Variants in QTGAL observed in about 807,000 individuals in gnomAD.
The protein encoded by QTGAL is BGnT-like protein 1.
At chr17:83,039,447 C>T in the QTGAL span, among the ~76,000 whole-genome samples, 1 of 117,044 alleles carries the variant, frequency 8.5e-6, no homozygotes, top group East Asian at 2.5e-4. Context: ...GCCCGCCGCC[C>T]GCCCCTCTTC....
the QTGAL span, among the ~76,000 whole-genome samples, chr17:82,970,571 CCCGGCGTGGCCGCG>C: frequency 1.2e-4 from 17 of 141,612 alleles, 3 homozygotes; most frequent in South Asian, 4.3e-4. Context: ...GACCTCCGCA[CCCGGCGTGGCCGCG>C]ACCTCCGCAC....
the QTGAL span, among the ~76,000 whole-genome samples, chr17:83,007,717 T>C: frequency 6.6e-6 from 1 of 152,174 alleles, no homozygotes; most frequent in African/African-American, 2.4e-5. Context: ...CCCAGCTTCA[T>C]GCTTCCCTGG....
chr17:83,042,606 C>T, the QTGAL span, among the ~76,000 whole-genome samples: 1 of 151,960 alleles, frequency 6.6e-6, no homozygotes, highest in Non-Finnish European at 1.5e-5. Flanking sequence ...AGCAATTAAA[C>T]AGAAAAGAAG....
chr17:82,947,801 C>G, the QTGAL span: 1 of 152,534 alleles, frequency 6.6e-6, no homozygotes, highest in African/African-American at 2.4e-5. Flanking sequence ...TCAAATGATG[C>G]TGTCACTCAA....
At chr17:82,995,635 G>T in the QTGAL span, among the ~76,000 whole-genome samples, 1 of 151,982 alleles carries the variant, frequency 6.6e-6, no homozygotes, top group Admixed American at 6.6e-5. Context: ...CACCCACCTC[G>T]CCCTCCCAAA....
At chr17:83,017,871 C>T in the QTGAL span, among the ~76,000 whole-genome samples, 5 of 150,746 alleles carry the variant, frequency 3.3e-5, no homozygotes, top group Admixed American at 6.6e-5. Flanking sequence ...GGGTACCACA[C>T]GTGCTCCACA....
the QTGAL span, among the ~76,000 whole-genome samples, chr17:82,960,001 C>T: frequency 0.014 from 2,065 of 152,304 alleles, 46 homozygotes; most frequent in African/African-American, 0.048. Context: ...AAGGTGGAAA[C>T]CCAGTTTTTC....
chr17:83,029,077 G>T, the QTGAL span, among the ~76,000 whole-genome samples: 1 of 152,242 alleles, frequency 6.6e-6, no homozygotes, highest in East Asian at 1.9e-4. Context: ...GGGGACCGGA[G>T]CCGGGAGCAT....
At chr17:82,945,604 T>C in the QTGAL span, 1 of 152,216 alleles carries the variant, frequency 6.6e-6, no homozygotes, top group Non-Finnish European at 1.5e-5. Context: ...TAGATAAAAA[T>C]ATGCCATTCT....
the QTGAL span, chr17:83,005,779 C>A: frequency 1.0e-6 from 1 of 961,934 alleles, no homozygotes; most frequent in Non-Finnish European, 1.5e-6. This position sits in a 1 kb window ranked among gnomAD's most constrained non-coding sequence, Gnocchi z 5.6. Context: ...CTGTCAGTAG[C>A]CTTGACCCCC....
the QTGAL span, chr17:82,942,240 C>T: frequency 6.5e-6 from 4 of 619,840 alleles, no homozygotes; most frequent in East Asian, 8.4e-5. Context: ...TCCCGCTCCC[C>T]AGATGGGGTG....
At chr17:83,010,396 C>A in the QTGAL span, among the ~76,000 whole-genome samples, 1 of 152,238 alleles carries the variant, frequency 6.6e-6, no homozygotes, top group Non-Finnish European at 1.5e-5. Flanking sequence ...GAGCGAAGAG[C>A]ACGGTCAGAG....
chr17:82,969,198 C>T, the QTGAL span, among the ~76,000 whole-genome samples: 4 of 151,930 alleles, frequency 2.6e-5, no homozygotes, highest in East Asian at 1.9e-4. Flanking sequence ...CTCGCTCTGT[C>T]GCCCAGGCTG....
chr17:83,048,125 C>T, the QTGAL span, among the ~76,000 whole-genome samples: 1 of 152,170 alleles, frequency 6.6e-6, no homozygotes, highest in Non-Finnish European at 1.5e-5. Flanking sequence ...CTCCCGGGTT[C>T]AAGCAATTAT....
the QTGAL span, among the ~76,000 whole-genome samples, chr17:83,014,184 C>T: frequency 3.9e-5 from 6 of 152,192 alleles, no homozygotes; most frequent in South Asian, 4.1e-4. Context: ...ATGTCTAAGG[C>T]GCTCAGCTTC....
At chr17:82,958,846 CACTGGGGGTGTATGG>C in the QTGAL span, among the ~76,000 whole-genome samples, 14 of 73,250 alleles carry the variant, frequency 1.9e-4, no homozygotes, top group South Asian at 5.9e-4. Flanking sequence ...TGTGTGTGTA[CACTGGGGGTGTATGG>C]TGTGTGTGTG....
the QTGAL span, among the ~76,000 whole-genome samples, chr17:83,028,333 G>A: frequency 2.6e-5 from 4 of 151,458 alleles, no homozygotes; most frequent in South Asian, 8.3e-4. Flanking sequence ...GACCATCCTG[G>A]CTAACACGGT....
At chr17:83,020,813 G>C in the QTGAL span, among the ~76,000 whole-genome samples, 1 of 152,236 alleles carries the variant, frequency 6.6e-6, no homozygotes, top group African/African-American at 2.4e-5. Flanking sequence ...TGTGAGGACG[G>C]GGACTGGAGA....
At chr17:82,983,451 A>T in the QTGAL span, among the ~76,000 whole-genome samples, 1 of 152,162 alleles carries the variant, frequency 6.6e-6, no homozygotes, top group African/African-American at 2.4e-5. Flanking sequence ...ACTCAGTGTG[A>T]CACATTCTCA....
Sources: gnomAD v4.1 joint callset for allele counts (sites outside exome capture counted in the v4.1 genomes callset) on GRCh38, gnomAD v4.1.1 for gene constraint, Gnocchi (gnomAD v3.1) non-coding constraint, MANE v1.5 for transcripts, NCBI Gene and HGNC (gene_info 2026-07-23, HGNC 2026-07-21) for gene names.